Variants in KLF17 observed in about 807,000 individuals in gnomAD.
The protein encoded by KLF17 is Krueppel-like factor 17.
KLF17 carries 31 observed loss-of-function variants against 34.2 expected under a neutral mutation model. The observed-to-expected ratio is 0.91, with a 90% confidence interval of 0.68 to 1.22. The LOEUF (loss-of-function observed/expected upper bound fraction) is 1.22, where lower values mean the gene tolerates loss of function less well. Ranked by LOEUF, KLF17 falls within the 50% of genes most tolerant of loss-of-function variation. The probability of loss-of-function intolerance (pLI) is 0.00; values close to 1 mark genes in which losing one functional copy is unlikely to be tolerated. For missense variants in KLF17, 478 were observed against 505.2 expected (o/e 0.95, Z 0.52); for synonymous variants, 179 against 186.7 (o/e 0.96, Z 0.34).
chr1:44,092,869 A>C, the KLF17 span, among the ~76,000 whole-genome samples: 58 of 151,994 alleles, frequency 3.8e-4, no homozygotes, highest in South Asian at 4.2e-4. Context: ...ATCAAAAAAA[A>C]CCCCAAAAAA....
the KLF17 span, chr1:44,048,101 G>A: frequency 6.6e-6 from 1 of 151,984 alleles, no homozygotes; most frequent in East Asian, 1.9e-4. Context: ...CCATGCAGAA[G>A]TCAAGGAAAC....
the KLF17 span, among the ~76,000 whole-genome samples, chr1:44,110,242 A>G: frequency 1.4e-4 from 22 of 152,294 alleles, no homozygotes; most frequent in African/African-American, 5.3e-4. Flanking sequence ...GAACACACTC[A>G]TGAAAATGAC....
upstream of KLF17, chr1:44,118,765 GCCTGACCCCGCC>G: frequency 4.8e-6 from 3 of 619,626 alleles, no homozygotes; most frequent in Non-Finnish European, 7.9e-6. Flanking sequence ...GACGGGTGGG[GCCTGACCCCGCC>G]CCTTGGCGCA....
the KLF17 span, among the ~76,000 whole-genome samples, chr1:44,102,697 G>A: frequency 6.6e-6 from 1 of 152,016 alleles, no homozygotes; most frequent in Non-Finnish European, 1.5e-5. Flanking sequence ...GACTTTGGGT[G>A]ATAATGATCT....
At chr1:44,078,250 T>C in the KLF17 span, among the ~76,000 whole-genome samples, 1 of 152,332 alleles carries the variant, frequency 6.6e-6, no homozygotes, top group Non-Finnish European at 1.5e-5. Flanking sequence ...ACAGTTACTA[T>C]GCAATTTATT....
intron 1 of KLF17, among the ~76,000 whole-genome samples, chr1:44,127,041 C>T (rs1036178803): frequency 3.3e-5 from 5 of 150,064 alleles, no homozygotes; most frequent in South Asian, 2.1e-4. Context: ...GGACCACAGG[C>T]GCATGCTACC....
intron 1 of KLF17, among the ~76,000 whole-genome samples, chr1:44,127,643 TTTC>T (rs879815365): frequency 0.014 from 756 of 52,584 alleles, 25 homozygotes; most frequent in African/African-American, 0.014. Flanking sequence ...TCTTTCCTTC[TTTC>T]TTTCTTTCTT....
chr1:44,087,231 A>C, the KLF17 span, among the ~76,000 whole-genome samples: 1 of 152,056 alleles, frequency 6.6e-6, no homozygotes, highest in South Asian at 2.1e-4. Flanking sequence ...CTTAAACGAC[A>C]GACATTTATT....
the KLF17 span, among the ~76,000 whole-genome samples, chr1:44,082,855 A>G: frequency 1.3e-5 from 2 of 151,996 alleles, no homozygotes; most frequent in African/African-American, 4.8e-5. Context: ...CAGCACTGTG[A>G]TAACTGCTTG....
the KLF17 span, among the ~76,000 whole-genome samples, chr1:44,111,994 TTCCAGGA>T: frequency 6.6e-6 from 1 of 152,232 alleles, no homozygotes; most frequent in African/African-American, 2.4e-5. Context: ...TAATGTCCTT[TTCCAGGA>T]TCCTACCCAG....
chr1:44,087,139 G>A, the KLF17 span, among the ~76,000 whole-genome samples: 1 of 152,204 alleles, frequency 6.6e-6, no homozygotes, highest in Non-Finnish European at 1.5e-5. Flanking sequence ...GGCTGATTAT[G>A]ATTGAGCATG....
chr1:44,071,927 T>C, the KLF17 span, among the ~76,000 whole-genome samples: 1 of 151,898 alleles, frequency 6.6e-6, no homozygotes, highest in Non-Finnish European at 1.5e-5. Flanking sequence ...CCCATCACAC[T>C]GTTGCTCCCC....
At chr1:44,062,082 T>C in the KLF17 span, among the ~76,000 whole-genome samples, 2 of 152,200 alleles carry the variant, frequency 1.3e-5, no homozygotes, top group African/African-American at 4.8e-5. Context: ...CTTGAATTCT[T>C]TCCTGAGTGA....
At chr1:44,070,595 T>TTC in the KLF17 span, among the ~76,000 whole-genome samples, 1 of 117,596 alleles carries the variant, frequency 8.5e-6, no homozygotes, top group Non-Finnish European at 1.9e-5. Context: ...CTTGTCTTTT[T>TTC]TTTTTTTTTT....
chr1:44,116,554 T>C (rs2087880685), upstream of KLF17, among the ~76,000 whole-genome samples: 1 of 152,200 alleles, frequency 6.6e-6, no homozygotes, highest in Admixed American at 6.5e-5. Flanking sequence ...AGTTTAGAGA[T>C]AATGTCCCAC....
At chr1:44,106,102 T>C in the KLF17 span, among the ~76,000 whole-genome samples, 13 of 152,284 alleles carry the variant, frequency 8.5e-5, no homozygotes, top group East Asian at 1.5e-3. Context: ...GACTGCTGAA[T>C]GAGGAGACCT....
At chr1:44,060,595 A>G in the KLF17 span, among the ~76,000 whole-genome samples, 1 of 152,176 alleles carries the variant, frequency 6.6e-6, no homozygotes, top group Admixed American at 6.5e-5. Context: ...GATTAATTCA[A>G]TCGGAAGGAA....
At chr1:44,047,995 TGTGTGTATG>T in the KLF17 span, 1 of 111,678 alleles carries the variant, frequency 9.0e-6, no homozygotes, top group African/African-American at 4.6e-5. Context: ...GAGAACATTG[TGTGTGTATG>T]TGTGTGTGTG....
At chr1:44,122,273 A>C in intron 1 of KLF17, 1 of 1,602,368 alleles carries the variant, frequency 6.2e-7, no homozygotes, top group South Asian at 1.1e-5. Flanking sequence ...CAACATCCAC[A>C]AGTAGTGTAT....
Sources: gnomAD v4.1 joint callset for allele counts (sites outside exome capture counted in the v4.1 genomes callset) on GRCh38, gnomAD v4.1.1 for gene constraint, MANE v1.5 for transcripts, NCBI Gene and HGNC (gene_info 2026-07-23, HGNC 2026-07-21) for gene names.